The following MAP3K21 variants were observed in gnomAD, a reference collection of about 807,000 sequenced individuals.
MAP3K21 encodes the protein mitogen-activated protein kinase kinase kinase 21, also known as mitogen-activated protein kinase kinase kinase MLK4.
A neutral mutation model predicts 86.1 loss-of-function variants in MAP3K21; 63 were observed. The observed-to-expected ratio is 0.73, with a 90% CI of 0.60 to 0.90. The LOEUF (loss-of-function observed/expected upper bound fraction) is 0.90. MAP3K21 is among the 40% of genes least tolerant of loss of function. The pLI, the probability that MAP3K21 is intolerant of heterozygous loss-of-function variation, is 0.00. For missense variants in MAP3K21, 1,220 were observed against 1,367.7 expected, an observed-to-expected ratio of 0.89 and a Z score of 1.70; for synonymous variants, 558 against 564.8, an observed-to-expected ratio of 0.99 and a Z score of 0.17.
In MAP3K21 at chr1:233,382,501, G is replaced by A. The variant is rs1217564975; in HGVS notation, c.2901G>A (p.Gln967=). The change falls in exon 10 of 10, where the codon CAG becomes CAA. Residue 967 remains glutamine (Q), a synonymous_variant. Coordinates refer to ENST00000366624, the MANE Select transcript of MAP3K21 (RefSeq NM_032435.3). The part of the protein sequence containing the change: ...PQAYPQTAVS[Q]LAQTACVVGR... ...CTTACCCACAGACAGCAGTGTCTCA[G>A]CTGGCACAGACTGCCTGTGTAGTGG... 1 of 1,614,182 alleles carries A rather than the reference G, an allele frequency of 6.2e-7. No homozygotes were observed. The highest frequency in any genetic ancestry group is 8.5e-7 in the Non-Finnish European group (1 of 1,180,038).
At chr1:233,330,662 A>G (rs1662793709) in intron 1 of MAP3K21, among the ~76,000 whole-genome samples, 1 of 152,238 alleles carries the variant, frequency 6.6e-6, no homozygotes, top group African/African-American at 2.4e-5. Context: ...AGAACCCAAC[A>G]TTCTGCAAAT....
chr1:233,352,306 T>A (rs1306940235), intron 2 of MAP3K21, among the ~76,000 whole-genome samples: 1 of 152,226 alleles, frequency 6.6e-6, no homozygotes, highest in Non-Finnish European at 1.5e-5. Flanking sequence ...CTCAAACATT[T>A]ATCATTTGTT....
At chr1:233,342,635 C>T (rs1663056729) in intron 1 of MAP3K21, among the ~76,000 whole-genome samples, 1 of 152,082 alleles carries the variant, frequency 6.6e-6, no homozygotes, top group Non-Finnish European at 1.5e-5. Context: ...ATGTGAGTAG[C>T]AAATGATAGG....
Position 233,354,937 on chromosome 1 carries a change from T to A in MAP3K21, c.1237T>A (p.Ser413Thr). Residue 413 changes from serine to threonine, a missense_variant, in exon 4 of 10, where the codon TCT (serine) becomes ACT (threonine). This residue lies in a region of MAP3K21 where 126 missense variants were observed against 127.7 expected (regional missense o/e 0.99). Transcript: ENST00000366624. ...GAVMTEMPQE[S>T]FHSMQDDWKL... ...AGTGATGACTGAGATGCCTCAAGAA[T>A]CTTTTCATTCCATGCAAGATGACTG... 6 of 1,614,074 alleles carry A rather than the reference T, an allele frequency of 3.7e-6. No homozygotes were observed. The highest frequency in any genetic ancestry group is 3.4e-6 in the Non-Finnish European group (4 of 1,179,934).
intron 1 of MAP3K21, among the ~76,000 whole-genome samples, chr1:233,346,231 C>A (rs142886222): frequency 1.1e-3 from 167 of 152,298 alleles, no homozygotes; most frequent in African/African-American, 3.9e-3. Context: ...ATAAAGAGCT[C>A]TAAGTTGTGT....
intron 1 of MAP3K21, among the ~76,000 whole-genome samples, chr1:233,343,394 A>G (rs1663074681): frequency 6.6e-6 from 1 of 152,176 alleles, no homozygotes; most frequent in South Asian, 2.1e-4. Flanking sequence ...TGATGTAGGT[A>G]CTATGGTAAT....
At chr1:233,339,367 TCC>T (rs1558451193) in intron 1 of MAP3K21, among the ~76,000 whole-genome samples, 6 of 80,118 alleles carry the variant, frequency 7.5e-5, no homozygotes, top group African/African-American at 2.2e-4. Flanking sequence ...CTCCTTCTCC[TCC>T]TTCTCCTTCT....
intron 1 of MAP3K21, among the ~76,000 whole-genome samples, chr1:233,330,843 C>G (rs1662797134): frequency 6.6e-6 from 1 of 152,128 alleles, no homozygotes; most frequent in Non-Finnish European, 1.5e-5. Flanking sequence ...GTTTTTAAAG[C>G]ATGTTTTAAA....
intron 2 of MAP3K21, 113 bp downstream of exon 2, chr1:233,346,735 A>G: frequency 1.1e-6 from 1 of 900,424 alleles, no homozygotes; most frequent in Non-Finnish European, 1.7e-6. Context: ...TTTTTGAATG[A>G]ATTTTTATGG....
chr1:233,343,858 TACTAAA>T (rs1271434610), intron 1 of MAP3K21, among the ~76,000 whole-genome samples: 9 of 152,350 alleles, frequency 5.9e-5, no homozygotes, highest in African/African-American at 1.9e-4. Context: ...TGTTAGTTTT[TACTAAA>T]ACTAACATTT....
intron 1 of MAP3K21, among the ~76,000 whole-genome samples, chr1:233,340,441 G>T (rs1663020193): frequency 1.3e-5 from 2 of 152,148 alleles, no homozygotes; most frequent in Admixed American, 6.5e-5. Flanking sequence ...ACACAGAATT[G>T]TTAGAATATA....
chr1:233,329,842 G>C (rs147467658), intron 1 of MAP3K21, among the ~76,000 whole-genome samples: 3 of 152,306 alleles, frequency 2.0e-5, no homozygotes, highest in African/African-American at 7.2e-5. Flanking sequence ...TTATAAATCA[G>C]GGTGGATTTT....
At position 233,362,174 on chromosome 1, in the gene MAP3K21, A is replaced by T; in HGVS notation, c.1433A>T (p.Glu478Val). 1 of 1,614,218 alleles carries T rather than the reference A, an allele frequency of 6.2e-7. No homozygotes were observed. Among genetic ancestry groups the T allele is most frequent in the South Asian group, 1.1e-5 (1 of 91,082 alleles). The change falls in exon 5 of 10, where the codon GAA becomes GTA. Residue 478 changes from glutamate to valine, a missense_variant. Coordinates refer to ENST00000366624, the MANE Select transcript of MAP3K21 (RefSeq NM_032435.3). ...CGCGAGATCGACGTGCTGGAGCGGG[A>T]ACTTAACATTCTGATATTCCAGCTA... ...AEREIDVLER[E>V]LNILIFQLNQ... is the part of the protein sequence containing the mutation.
intron 6 of MAP3K21, among the ~76,000 whole-genome samples, chr1:233,375,449 G>T (rs1420152981): frequency 6.6e-6 from 1 of 152,120 alleles, no homozygotes; most frequent in Non-Finnish European, 1.5e-5. Flanking sequence ...AAAAAATAAA[G>T]AAAGAAATAA....
chr1:233,350,496 T>C (rs1663231514), intron 2 of MAP3K21, among the ~76,000 whole-genome samples: 1 of 152,194 alleles, frequency 6.6e-6, no homozygotes, highest in Non-Finnish European at 1.5e-5. Flanking sequence ...CTTTCGATGA[T>C]ATTTCCATAA....
chr1:233,344,700 G>A (rs1190434923), intron 1 of MAP3K21, among the ~76,000 whole-genome samples: 8 of 152,132 alleles, frequency 5.3e-5, no homozygotes, highest in African/African-American at 1.9e-4. Flanking sequence ...AACACCAAAA[G>A]CAATGGCAAC....
chr1:233,353,662 G>T, intron 2 of MAP3K21, 145 bp from the exon 3 acceptor site: 1 of 625,386 alleles, frequency 1.6e-6, no homozygotes, highest in Non-Finnish European at 2.5e-6. Flanking sequence ...CTCCCACCTT[G>T]GGATGTCAGC....
chr1:233,355,277 G>A (rs1663331675), intron 4 of MAP3K21, among the ~76,000 whole-genome samples: 2 of 152,138 alleles, frequency 1.3e-5, no homozygotes, highest in African/African-American at 4.8e-5. Flanking sequence ...CACTTTGTAT[G>A]CATTAATCAG....
Position 233,339,422 on chromosome 1 carries a change from CCTCCTCCTT to C in MAP3K21, c.806-7011_806-7003del, listed in dbSNP as rs200947146. On this transcript the variant is annotated intron_variant, in intron 1 of 9. Coordinates refer to ENST00000366624, the MANE Select transcript of MAP3K21 (RefSeq NM_032435.3). ...TTCTCCTCCTCCTCCTCCTCCTTCT[CCTCCTCCTT>C]CTCCTCCTCCTTCTCCTCCTCCTTC... Among the ~76,000 whole-genome samples the C allele has an allele frequency of 5.9e-5, 4 of 68,238 alleles. No homozygotes were observed. In the East Asian group the frequency reaches 2.0e-3, roughly 34 times the overall value. 44.8% of individuals were successfully genotyped at this position (68,238 alleles called of 152,430 possible).
Sources: gnomAD v4.1 joint callset for allele counts (sites outside exome capture counted in the v4.1 genomes callset) on GRCh38, gnomAD v4.1.1 for gene constraint, gnomAD v4.1.1 regional missense constraint, MANE v1.5 for transcripts, NCBI Gene and HGNC (gene_info 2026-07-23, HGNC 2026-07-21) for gene names.